The following ZSWIM6 variants were observed in gnomAD, a reference collection of about 807,000 sequenced individuals.
ZSWIM6 encodes the protein zinc finger SWIM domain-containing protein 6.
Under a neutral mutation model 113.2 loss-of-function variants are expected in ZSWIM6, and 9 were observed. The ratio of observed to expected loss-of-function variants is 0.08; its 90% CI spans 0.05 to 0.14. ZSWIM6 has a LOEUF of 0.14. Ranked by LOEUF, ZSWIM6 falls within the 10% of genes least tolerant of loss-of-function variation. ZSWIM6 has a pLI of 1.00. For synonymous variants in ZSWIM6, 611 were observed against 606.5 expected, an observed-to-expected ratio of 1.01 and a Z score of -0.11; for missense variants, 1,162 against 1,552.2, an observed-to-expected ratio of 0.75 and a Z score of 4.22.
intron 1 of ZSWIM6, among the ~76,000 whole-genome samples, chr5:61,433,138 A>G (rs934905805): frequency 6.6e-6 from 1 of 152,208 alleles, no homozygotes; most frequent in Non-Finnish European, 1.5e-5. Context: ...AAGTTTTATT[A>G]CAGAAAGTTT....
intron 4 of ZSWIM6, among the ~76,000 whole-genome samples, chr5:61,500,471 C>G (rs1005735192): frequency 2.0e-5 from 3 of 152,080 alleles, no homozygotes; most frequent in Non-Finnish European, 4.4e-5. Flanking sequence ...CAGGTAGTCT[C>G]TCTACTCGGA....
At chr5:61,349,521 C>T (rs1039974948) in intron 1 of ZSWIM6, among the ~76,000 whole-genome samples, 16 of 152,200 alleles carry the variant, frequency 1.1e-4, no homozygotes, top group African/African-American at 3.1e-4. Flanking sequence ...AGGAATATGA[C>T]TGCTGGATAA....
At chr5:61,344,785 C>G (rs1744620242) in intron 1 of ZSWIM6, among the ~76,000 whole-genome samples, 1 of 152,190 alleles carries the variant, frequency 6.6e-6, no homozygotes, top group Non-Finnish European at 1.5e-5. Flanking sequence ...GGCACAGGGT[C>G]AGCACGTTGT....
At chr5:61,487,079 C>T (rs901003249) in intron 2 of ZSWIM6, among the ~76,000 whole-genome samples, 2 of 150,982 alleles carry the variant, frequency 1.3e-5, no homozygotes, top group South Asian at 2.1e-4. Context: ...TATGATGAGA[C>T]GTAGGAGTCC....
At chr5:61,478,470 G>A (rs1049820781) in intron 2 of ZSWIM6, among the ~76,000 whole-genome samples, 1 of 152,056 alleles carries the variant, frequency 6.6e-6, no homozygotes, top group African/African-American at 2.4e-5. Flanking sequence ...TATATATGAA[G>A]TTTTAAAATA....
intron 3 of ZSWIM6, 46 bp downstream of exon 3, chr5:61,490,980 A>T: frequency 7.0e-7 from 1 of 1,436,784 alleles, no homozygotes; most frequent in Non-Finnish European, 9.3e-7. Flanking sequence ...ATATACATAT[A>T]TAGGGACTAT....
chr5:61,465,563 C>T (rs892435507), intron 1 of ZSWIM6, among the ~76,000 whole-genome samples: 1 of 151,986 alleles, frequency 6.6e-6, no homozygotes, highest in African/African-American at 2.4e-5. Context: ...TCATATCTAA[C>T]ACAGGTATTC....
chr5:61,437,717 C>CAAAAAAAA (rs1177075747), intron 1 of ZSWIM6, among the ~76,000 whole-genome samples: 3 of 56,864 alleles, frequency 5.3e-5, no homozygotes, highest in Admixed American at 2.1e-4. Flanking sequence ...ACCCTTTCTC[C>CAAAAAAAA]AAAAAAAAAA....
intron 1 of ZSWIM6, among the ~76,000 whole-genome samples, chr5:61,394,717 G>C (rs1384990842): frequency 2.0e-5 from 3 of 152,220 alleles, no homozygotes; most frequent in African/African-American, 7.2e-5. Context: ...AATACTGTTA[G>C]GAGGGCTTAC....
At chr5:61,351,145 G>A (rs1422752393) in intron 1 of ZSWIM6, among the ~76,000 whole-genome samples, 10 of 152,094 alleles carry the variant, frequency 6.6e-5, no homozygotes, top group Non-Finnish European at 1.5e-4. Flanking sequence ...GCTAAACAGA[G>A]CATGTTTTTT....
intron 2 of ZSWIM6, among the ~76,000 whole-genome samples, chr5:61,479,575 A>T (rs184611379): frequency 2.1e-4 from 32 of 152,298 alleles, no homozygotes; most frequent in African/African-American, 7.7e-4. Flanking sequence ...GTTGACTAGA[A>T]GAGCTTATTA....
At chr5:61,491,823 T>C (rs1400185735) in intron 3 of ZSWIM6, among the ~76,000 whole-genome samples, 3 of 152,162 alleles carry the variant, frequency 2.0e-5, no homozygotes, top group Non-Finnish European at 4.4e-5. Context: ...GTTTTTTTTT[T>C]AGTTCAAAAG....
chr5:61,338,051 G>A (rs1000682957), intron 1 of ZSWIM6, among the ~76,000 whole-genome samples: 1 of 151,914 alleles, frequency 6.6e-6, no homozygotes, highest in African/African-American at 2.4e-5. Context: ...CTTTTAAATG[G>A]CCTATTTTTC....
intron 3 of ZSWIM6, among the ~76,000 whole-genome samples, chr5:61,492,968 T>A (rs1425040970): frequency 6.6e-6 from 1 of 152,146 alleles, no homozygotes; most frequent in African/African-American, 2.4e-5. Context: ...ACGGGGAAAT[T>A]ACAGCTGAGA....
chr5:61,453,326 A>G (rs1203820949), intron 1 of ZSWIM6, among the ~76,000 whole-genome samples: 2 of 151,310 alleles, frequency 1.3e-5, no homozygotes, highest in Non-Finnish European at 2.9e-5. Context: ...ACCTCATACA[A>G]TTATCACTTT....
chr5:61,513,917 T>A (rs1020672977), intron 4 of ZSWIM6, among the ~76,000 whole-genome samples: 1 of 152,112 alleles, frequency 6.6e-6, no homozygotes, highest in Non-Finnish European at 1.5e-5. Context: ...TTGCCCTTTT[T>A]AAAAATTGTT....
intron 1 of ZSWIM6, among the ~76,000 whole-genome samples, chr5:61,434,039 AAT>A (rs889073904): frequency 1.1e-4 from 16 of 145,746 alleles, no homozygotes; most frequent in East Asian, 5.9e-4. Context: ...TATAATAAAA[AAT>A]ATATGTGTAA....
At chr5:61,531,811 C>T (rs1749442685) in intron 9 of ZSWIM6, 86 bp downstream of exon 9, 7 of 1,415,098 alleles carry the variant, frequency 4.9e-6, no homozygotes, top group Non-Finnish European at 6.7e-6. Flanking sequence ...TATCTGAATG[C>T]ATTTAATATG....
chr5:61,516,174 G>A (rs1748934549), intron 4 of ZSWIM6, among the ~76,000 whole-genome samples: 1 of 151,152 alleles, frequency 6.6e-6, no homozygotes, highest in South Asian at 2.1e-4. Flanking sequence ...TATTGATGTG[G>A]TTGTTGAATT....
Sources: allele counts gnomAD v4.1 joint callset (sites outside exome capture counted in the v4.1 genomes callset), GRCh38; gene constraint gnomAD v4.1.1; transcripts MANE v1.5; gene names NCBI Gene and HGNC (gene_info 2026-07-23, HGNC 2026-07-21).